Variants in LTBP1 observed in about 807,000 individuals in gnomAD.
LTBP1 encodes latent transforming growth factor beta binding protein 1.
A neutral mutation model predicts 207.6 loss-of-function variants in LTBP1; 129 were observed. The observed-to-expected ratio is 0.62, with a 90% confidence interval of 0.54 to 0.72. The LOEUF is 0.72. LTBP1 is among the 30% of genes least tolerant of loss of function. LTBP1 has a pLI of 0.00. For synonymous variants in LTBP1, 963 were observed against 833.7 expected (o/e 1.16, Z -2.67); for missense variants, 2,281 against 2,217.2 (o/e 1.03, Z -0.58).
At position 33,134,464 on chromosome 2, in the gene LTBP1, G is replaced by A. The variant is rs1429730752; in HGVS notation, c.1034-329G>A. 9.9e-7 allele frequency: 1 copy of A among 1,009,486 alleles called. No individual in the cohort carries two copies. Among genetic ancestry groups the A allele is most frequent in the Non-Finnish European group, 1.4e-6 (1 of 693,756 alleles). The allele number at this position is 1,009,486 out of a possible 1,614,324, so 62.5% of individuals were successfully genotyped here. ...GGCTCTTTAATCTGTCGTGCCCTCG[G>A]TATTGCTCTTTGTCTGCCCGTGAAT... On this transcript the variant is annotated intron_variant, in intron 4 of 33. Coordinates refer to ENST00000404816, the MANE Select transcript of LTBP1 (RefSeq NM_206943.4). The surrounding 1 kb of genome is among the most constrained non-coding windows in gnomAD (Gnocchi z 4.4).
chr2:32,952,105 G>C (rs908782235), intron 2 of LTBP1, among the ~76,000 whole-genome samples: 15 of 152,214 alleles, frequency 9.9e-5, no homozygotes, highest in African/African-American at 3.6e-4. Context: ...AAGTGTTCAT[G>C]TTGTTCAGTA....
rs767658883 is a variant in LTBP1, at chr2:33,021,059, C to T, written c.716C>T (p.Ala239Val). The T allele has an allele frequency of 6.2e-7, 1 of 1,614,132 alleles. No homozygotes were observed. Among genetic ancestry groups the T allele is most frequent in the Non-Finnish European group, 8.5e-7 (1 of 1,180,016 alleles). Residue 239 changes from alanine to valine, a missense_variant, in exon 3 of 34, where the codon GCT (alanine) becomes GTT (valine). Transcript: ENST00000404816. ...PVFGGQSPGAASSWGPPEQAA... is the reference protein window; with the variant it reads ...PVFGGQSPGAVSSWGPPEQAA... ...TTTGGAGGGCAGAGTCCTGGGGCTG[C>T]TTCCTCGTGGGGCCCTCCTGAGCAA...
rs145218377 is a variant in LTBP1 at position 33,104,274 on chromosome 2, G to A, written c.864-6308G>A. ...TTTCCCTGCTGCTAACAAAGATACA[G>A]AGGTTTCCTCAGATTCAAGTCTTTA... On this transcript the variant is annotated intron_variant, in intron 3 of 33. Coordinates refer to ENST00000404816, the MANE Select transcript of LTBP1 (RefSeq NM_206943.4). Among the ~76,000 whole-genome samples the A allele has an allele frequency of 3.3e-5, 5 of 152,306 alleles. No individual in the cohort carries two copies. In the East Asian group the frequency reaches 9.6e-4, roughly 29 times the overall value.
intron 10 of LTBP1, among the ~76,000 whole-genome samples, chr2:33,249,747 C>G (rs957300007): frequency 3.9e-5 from 6 of 152,066 alleles, no homozygotes; most frequent in Admixed American, 1.3e-4. Context: ...AATCTTTTTG[C>G]CGTAATTTTA....
At chr2:33,100,274 A>G (rs968493250) in intron 3 of LTBP1, among the ~76,000 whole-genome samples, 1 of 152,202 alleles carries the variant, frequency 6.6e-6, no homozygotes, top group Non-Finnish European at 1.5e-5. Flanking sequence ...AATGAAGTTG[A>G]TAACATGTGG....
At chr2:33,309,144 G>C (rs1257291274) in intron 22 of LTBP1, among the ~76,000 whole-genome samples, 1 of 151,878 alleles carries the variant, frequency 6.6e-6, no homozygotes, top group African/African-American at 2.4e-5. Context: ...TTAGTTGGGC[G>C]TGGTGGTGGG....
At chr2:33,022,879 C>G (rs1463859159) in intron 3 of LTBP1, among the ~76,000 whole-genome samples, 1 of 152,064 alleles carries the variant, frequency 6.6e-6, no homozygotes, top group Admixed American at 6.6e-5. Flanking sequence ...TTTCACAGGT[C>G]ATGAAGTATT....
At chr2:33,153,379 C>T (rs1408455305) in intron 5 of LTBP1, among the ~76,000 whole-genome samples, 3 of 152,080 alleles carry the variant, frequency 2.0e-5, no homozygotes, top group Non-Finnish European at 4.4e-5. Flanking sequence ...TCCTTGGTGG[C>T]CTGAAGGAAG....
chr2:33,076,210 G>A (rs2078071803), intron 3 of LTBP1, among the ~76,000 whole-genome samples: 2 of 152,146 alleles, frequency 1.3e-5, no homozygotes, highest in African/African-American at 4.8e-5. Context: ...TTCCAAAGAG[G>A]TTCATAGGAG....
At chr2:33,342,742 A>G in intron 24 of LTBP1, 96 bp from the exon 25 acceptor site, 1 of 1,223,510 alleles carries the variant, frequency 8.2e-7, no homozygotes, top group South Asian at 1.5e-5. Context: ...TCACACACTA[A>G]TCAGGATGTG....
chr2:33,217,070 G>A (rs1156552713), intron 7 of LTBP1, among the ~76,000 whole-genome samples: 1 of 152,168 alleles, frequency 6.6e-6, no homozygotes, highest in Non-Finnish European at 1.5e-5. Flanking sequence ...TCTGTGCCCA[G>A]GCCTTGGGGT....
At chr2:33,390,722 A>G (rs1165448806) in intron 32 of LTBP1, among the ~76,000 whole-genome samples, 1 of 151,688 alleles carries the variant, frequency 6.6e-6, no homozygotes, top group Non-Finnish European at 1.5e-5. Flanking sequence ...GAACTCCTGG[A>G]CTCAAGTGAT....
intron 3 of LTBP1, among the ~76,000 whole-genome samples, chr2:33,038,343 C>T (rs1201379189): frequency 2.6e-5 from 4 of 152,288 alleles, no homozygotes; most frequent in East Asian, 3.9e-4. Context: ...AGTTTTAACA[C>T]GAGGGTTTCT....
Position 33,256,737 on chromosome 2 carries a change from TA to T in LTBP1, c.2168-546del, listed in dbSNP as rs1177081892. Among the ~76,000 whole-genome samples, 62 of 19,436 alleles carry T rather than the reference TA, an allele frequency of 3.2e-3. 2 individuals carry two copies. In the East Asian group the frequency reaches 0.16, roughly 50 times the overall value. 12.8% of individuals were successfully genotyped at this position (19,436 alleles called of 152,430 possible). The stretch of plus-strand genomic sequence containing the variant: ...ATGGAGGGCTAACTATATATATATA[TA>T]TATATATATATATATATATATATAT... On this transcript the variant is annotated intron_variant, in intron 11 of 33. Coordinates refer to ENST00000404816, the MANE Select transcript of LTBP1 (RefSeq NM_206943.4).
chr2:33,296,056 C>T (rs1414956312), intron 20 of LTBP1, among the ~76,000 whole-genome samples: 2 of 152,162 alleles, frequency 1.3e-5, no homozygotes, highest in Non-Finnish European at 2.9e-5. Flanking sequence ...CCAGGTATCT[C>T]CTCAGACCAA....
chr2:33,148,290 T>A (rs1042303020), intron 5 of LTBP1, among the ~76,000 whole-genome samples: 1 of 152,246 alleles, frequency 6.6e-6, no homozygotes, highest in Non-Finnish European at 1.5e-5. Context: ...TACACTTGAA[T>A]TAATTGAATG....
chr2:33,116,814 G>A (rs941647555), intron 4 of LTBP1, among the ~76,000 whole-genome samples: 4 of 151,684 alleles, frequency 2.6e-5, no homozygotes, highest in Non-Finnish European at 5.9e-5. Context: ...GAAAAGTGAG[G>A]TCAAGCCCAC....
chr2:32,994,377 C>T (rs971185265), intron 2 of LTBP1, among the ~76,000 whole-genome samples: 3 of 152,124 alleles, frequency 2.0e-5, no homozygotes, highest in African/African-American at 7.2e-5. Context: ...ATTAAGTAAC[C>T]TGCCCAAGGT....
chr2:33,022,919 T>TA (rs1462405630), intron 3 of LTBP1, among the ~76,000 whole-genome samples: 1 of 152,150 alleles, frequency 6.6e-6, no homozygotes, highest in Non-Finnish European at 1.5e-5. Context: ...TCTCAACCAT[T>TA]AAAAAACATA....
Sources: gnomAD v4.1 joint callset for allele counts (sites outside exome capture counted in the v4.1 genomes callset) on GRCh38, gnomAD v4.1.1 for gene constraint, Gnocchi (gnomAD v3.1) non-coding constraint, MANE v1.5 for transcripts, NCBI Gene and HGNC (gene_info 2026-07-23, HGNC 2026-07-21) for gene names.